The following FARS2 variants were observed in gnomAD, a reference collection of about 807,000 sequenced individuals.
The protein encoded by FARS2 is phenylalanyl-tRNA synthetase 2, mitochondrial.
Under a neutral mutation model 46.4 loss-of-function variants are expected in FARS2, and 40 were observed. The observed-to-expected ratio is 0.86, with a 90% CI of 0.67 to 1.12. The LOEUF (loss-of-function observed/expected upper bound fraction) is 1.12. Ranked by LOEUF, FARS2 falls within the 50% of genes most tolerant of loss-of-function variation. The probability of loss-of-function intolerance (pLI) is 0.00; values close to 1 mark genes in which losing one functional copy is unlikely to be tolerated. For missense variants in FARS2, 513 were observed against 567.9 expected, an observed-to-expected ratio of 0.90 and a Z score of 0.98; for synonymous variants, 234 against 214.9, an observed-to-expected ratio of 1.09 and a Z score of -0.78.
chr6:5,629,513 T>C (rs1171265981), intron 6 of FARS2, among the ~76,000 whole-genome samples: 1 of 152,026 alleles, frequency 6.6e-6, no homozygotes, highest in Non-Finnish European at 1.5e-5. Flanking sequence ...GTGAGCAGCA[T>C]AATAGGGAGG....
At chr6:5,634,935 T>C (rs73360275) in intron 6 of FARS2, among the ~76,000 whole-genome samples, 1,624 of 152,340 alleles carry the variant, frequency 0.011, 39 homozygotes, top group African/African-American at 0.038. Context: ...TCATATTCCC[T>C]CTTATTTCTT....
intron 4 of FARS2, among the ~76,000 whole-genome samples, chr6:5,454,115 G>A (rs1373660176): frequency 6.6e-6 from 1 of 150,588 alleles, no homozygotes; most frequent in Non-Finnish European, 1.5e-5. Context: ...GAAACATCAT[G>A]TCCCTGGTTT....
chr6:5,494,827 G>A (rs1230753010), intron 4 of FARS2, among the ~76,000 whole-genome samples: 1 of 152,164 alleles, frequency 6.6e-6, no homozygotes, highest in East Asian at 1.9e-4. Context: ...CCTAGAGCTA[G>A]TTCAAGGTGT....
At chr6:5,732,235 C>T (rs1383327283) in intron 6 of FARS2, among the ~76,000 whole-genome samples, 5 of 152,152 alleles carry the variant, frequency 3.3e-5, no homozygotes, top group Non-Finnish European at 5.9e-5. Context: ...ACAAATGGCT[C>T]TAGTAGCAGG....
intron 3 of FARS2, among the ~76,000 whole-genome samples, 174 bp downstream of exon 3, chr6:5,404,875 C>T (rs1313174404): frequency 6.6e-6 from 1 of 150,842 alleles, no homozygotes; most frequent in African/African-American, 2.4e-5. Flanking sequence ...TCTCGGCTCA[C>T]TGCAACCTCC....
intron 4 of FARS2, among the ~76,000 whole-genome samples, chr6:5,505,844 T>G (rs2150391434): frequency 6.6e-6 from 1 of 152,320 alleles, no homozygotes; most frequent in African/African-American, 2.4e-5. Flanking sequence ...GAGACTCCCC[T>G]TCAGTTCCAC....
intron 5 of FARS2, among the ~76,000 whole-genome samples, chr6:5,596,468 C>T (rs1345652847): frequency 6.6e-6 from 1 of 152,198 alleles, no homozygotes; most frequent in Non-Finnish European, 1.5e-5. Context: ...AAGAAGACAT[C>T]CCTAAATTTG....
At chr6:5,634,497 A>T (rs772973684) in intron 6 of FARS2, among the ~76,000 whole-genome samples, 1 of 152,036 alleles carries the variant, frequency 6.6e-6, no homozygotes, top group Non-Finnish European at 1.5e-5. Flanking sequence ...TTTTGTAGAG[A>T]TGAGGTCTTG....
At chr6:5,542,088 T>C (rs924279643) in intron 4 of FARS2, among the ~76,000 whole-genome samples, 3 of 152,018 alleles carry the variant, frequency 2.0e-5, no homozygotes, top group South Asian at 2.1e-4. Context: ...ATTTGGTGGG[T>C]TTTGGCCTGC....
intron 6 of FARS2, among the ~76,000 whole-genome samples, chr6:5,624,043 C>T (rs1775912318): frequency 6.6e-6 from 1 of 152,212 alleles, no homozygotes; most frequent in African/African-American, 2.4e-5. Flanking sequence ...GATGGCCAGA[C>T]ACTGCCAGGC....
At chr6:5,614,989 A>G (rs562239311) in intron 6 of FARS2, among the ~76,000 whole-genome samples, 2 of 152,322 alleles carry the variant, frequency 1.3e-5, no homozygotes, top group South Asian at 2.1e-4. Context: ...AATTTCATAT[A>G]AAGAAATCTG....
At chr6:5,376,191 C>T (rs1274105693) in intron 2 of FARS2, among the ~76,000 whole-genome samples, 1 of 152,134 alleles carries the variant, frequency 6.6e-6, no homozygotes, top group African/African-American at 2.4e-5. Flanking sequence ...GGTGAGCACA[C>T]GTGTGTGCTT....
intron 4 of FARS2, among the ~76,000 whole-genome samples, chr6:5,506,453 G>A (rs1369087920): frequency 6.6e-6 from 1 of 152,212 alleles, no homozygotes; most frequent in Non-Finnish European, 1.5e-5. Flanking sequence ...CAAATGGGCA[G>A]CTAGAGAGAG....
chr6:5,453,350 A>G (rs181679499), intron 4 of FARS2, among the ~76,000 whole-genome samples: 2 of 152,366 alleles, frequency 1.3e-5, no homozygotes, highest in East Asian at 3.9e-4. Context: ...TTTGGATTTC[A>G]GCTGCCTAGT....
chr6:5,279,793 T>A (rs931495838), intron 1 of FARS2, among the ~76,000 whole-genome samples: 5 of 152,092 alleles, frequency 3.3e-5, no homozygotes, highest in Non-Finnish European at 2.9e-5. Flanking sequence ...GAATTCTTTC[T>A]TACTCAGCCA....
intron 4 of FARS2, among the ~76,000 whole-genome samples, chr6:5,538,850 A>G (rs759039234): frequency 6.6e-6 from 1 of 152,170 alleles, no homozygotes; most frequent in Non-Finnish European, 1.5e-5. Context: ...CTCCATGAAA[A>G]TTGATTGTCA....
chr6:5,635,325 C>G (rs1278170265), intron 6 of FARS2, among the ~76,000 whole-genome samples: 1 of 152,132 alleles, frequency 6.6e-6, no homozygotes, highest in Non-Finnish European at 1.5e-5. Flanking sequence ...TCTAGTTAAG[C>G]CCATGCTCAA....
At chr6:5,432,300 G>A (rs1343020382) in intron 4 of FARS2, among the ~76,000 whole-genome samples, 1 of 117,420 alleles carries the variant, frequency 8.5e-6, no homozygotes, top group Non-Finnish European at 1.7e-5. Context: ...GGGCGAAAGA[G>A]CAACACTCAG....
chr6:5,390,616 G>A (rs1424416381), intron 2 of FARS2, among the ~76,000 whole-genome samples: 4 of 152,182 alleles, frequency 2.6e-5, no homozygotes, highest in Non-Finnish European at 5.9e-5. Flanking sequence ...TTCCCTTACA[G>A]TGTATATAAG....
Sources: allele counts gnomAD v4.1 joint callset (sites outside exome capture counted in the v4.1 genomes callset), GRCh38; gene constraint gnomAD v4.1.1; transcripts MANE v1.5; gene names NCBI Gene and HGNC (gene_info 2026-07-23, HGNC 2026-07-21).